Variants in SYNPR observed in about 807,000 individuals in gnomAD.
SYNPR encodes synaptoporin.
SYNPR carries 23 observed loss-of-function variants against 32.9 expected under a neutral mutation model. The observed-to-expected ratio is 0.70, with a 90% CI of 0.50 to 0.99. The LOEUF (loss-of-function observed/expected upper bound fraction) is 0.99, where lower values mean the gene tolerates loss of function less well. Among genes scored for constraint, SYNPR ranks in the 50% least tolerant of loss-of-function variants. The probability of loss-of-function intolerance (pLI) is 0.00; values close to 1 mark genes in which losing one functional copy is unlikely to be tolerated. For synonymous variants in SYNPR, 146 were observed against 135.9 expected (o/e 1.07, Z -0.52); for missense variants, 318 against 349.3 (o/e 0.91, Z 0.71).
chr3:63,412,657 CTT>C (rs1255647951), intron 2 of SYNPR, among the ~76,000 whole-genome samples: 8 of 152,030 alleles, frequency 5.3e-5, no homozygotes, highest in African/African-American at 1.9e-4. Context: ...AATGCAAAGA[CTT>C]AGTGTCATGG....
intron 2 of SYNPR, chr3:63,452,163 C>T (rs1354034858): frequency 1.4e-6 from 1 of 699,988 alleles, no homozygotes; most frequent in Non-Finnish European, 2.6e-6. Flanking sequence ...TTCGTATGTT[C>T]ATTCATTTGT....
At chr3:63,569,849 T>C (rs1702856102) in intron 4 of SYNPR, among the ~76,000 whole-genome samples, 1 of 152,198 alleles carries the variant, frequency 6.6e-6, no homozygotes, top group Non-Finnish European at 1.5e-5. Context: ...ATAAGTTGCA[T>C]CCTGGGGTAT....
At chr3:63,408,162 G>GA (rs759267861) in intron 2 of SYNPR, among the ~76,000 whole-genome samples, 14 of 94,422 alleles carry the variant, frequency 1.5e-4, no homozygotes, top group Middle Eastern at 4.5e-3. Flanking sequence ...AAGAAAGAAA[G>GA]AAAGAAAGAA....
At chr3:63,514,152 G>T (rs545278155) in intron 3 of SYNPR, among the ~76,000 whole-genome samples, 1 of 152,264 alleles carries the variant, frequency 6.6e-6, no homozygotes, top group South Asian at 2.1e-4. Flanking sequence ...TATAATCAAA[G>T]CACACAAATG....
At chr3:63,576,086 A>G (rs1702974787) in intron 4 of SYNPR, among the ~76,000 whole-genome samples, 1 of 152,178 alleles carries the variant, frequency 6.6e-6, no homozygotes. Flanking sequence ...AGCTACAAAG[A>G]AATCCCCAAA....
Position 63,360,497 on chromosome 3 carries a change from A to G in SYNPR, c.84+81755A>G, listed in dbSNP as rs370402719. 2.0e-5 allele frequency among the ~76,000 whole-genome samples: 3 copies of G among 152,314 alleles called. No individual in the cohort carries two copies. In the East Asian group the frequency reaches 5.8e-4, roughly 29 times the overall value. ...CATGTCTAGCCTTCTTGCTCCCTCT[A>G]ATGACTTTCTATTACGTTAAAAGTA... On this transcript the variant is annotated intron_variant, in intron 2 of 5. Coordinates refer to ENST00000478300, the MANE Select transcript of SYNPR (RefSeq NM_001130003.2).
chr3:63,417,564 C>G (rs895164913), intron 2 of SYNPR, among the ~76,000 whole-genome samples: 1 of 152,234 alleles, frequency 6.6e-6, no homozygotes, highest in Admixed American at 6.5e-5. Context: ...CTGCACTTCC[C>G]TAGCAGACTT....
At chr3:63,462,981 C>T (rs1410738493) in intron 2 of SYNPR, among the ~76,000 whole-genome samples, 2 of 152,100 alleles carry the variant, frequency 1.3e-5, no homozygotes, top group Non-Finnish European at 2.9e-5. Context: ...TGTCAGGCTC[C>T]TTTGCTCTGC....
At position 63,352,466 on chromosome 3, in the gene SYNPR, A is replaced by G. The variant is rs189233883; in HGVS notation, c.84+73724A>G. On this transcript the variant is annotated intron_variant, in intron 2 of 5. Coordinates refer to ENST00000478300, the MANE Select transcript of SYNPR (RefSeq NM_001130003.2). ...TCACCTCTTGGGAAAACACTTATTT[A>G]TCTGTTAAGGTTCTATGTCTACAAG... Among the ~76,000 whole-genome samples the G allele has an allele frequency of 6.9e-4, 105 of 152,298 alleles. 1 individual carries two copies. Among genetic ancestry groups the G allele is most frequent in the Admixed American group, 3.2e-3 (49 of 15,294 alleles).
intron 2 of SYNPR, among the ~76,000 whole-genome samples, chr3:63,368,798 T>G (rs1404810220): frequency 6.6e-6 from 1 of 152,190 alleles, no homozygotes; most frequent in Non-Finnish European, 1.5e-5. Flanking sequence ...GAAAGAGGTA[T>G]TTTATTTATA....
chr3:63,509,227 G>A (rs1047986903), intron 3 of SYNPR, among the ~76,000 whole-genome samples: 3 of 148,650 alleles, frequency 2.0e-5, no homozygotes, highest in Non-Finnish European at 4.5e-5. Flanking sequence ...ATATGTATGG[G>A]TATATCTATA....
At chr3:63,610,632 A>T in intron 5 of SYNPR, 1 of 565,400 alleles carries the variant, frequency 1.8e-6, no homozygotes, top group Non-Finnish European at 3.2e-6. Context: ...ACACTTGTAA[A>T]TGAACACTTT....
At position 63,570,022 on chromosome 3, in the gene SYNPR, C is replaced by T. The variant is rs529452303; in HGVS notation, c.408+13281C>T. Reference sequence around the variant, plus strand: ...CCCAAAGTTAAGCCATCTTCCGCAGCTTTCATTGGCTTTGTTTGTTTGTTT... The same window carrying T: ...CCCAAAGTTAAGCCATCTTCCGCAGTTTTCATTGGCTTTGTTTGTTTGTTT... On this transcript the variant is annotated intron_variant, in intron 4 of 5. Coordinates refer to ENST00000478300, the MANE Select transcript of SYNPR (RefSeq NM_001130003.2). 9.8e-5 allele frequency among the ~76,000 whole-genome samples: 15 copies of T among 152,286 alleles called. No individual in the cohort carries two copies. The South Asian group carries it at 3.1e-3, about 32-fold the overall frequency.
At chr3:63,224,616 T>C (rs1422264887), upstream of SYNPR, among the ~76,000 whole-genome samples, 1 of 152,164 alleles carries the variant, frequency 6.6e-6, no homozygotes, top group Non-Finnish European at 1.5e-5. Flanking sequence ...TTGTCCAGAG[T>C]GGCCATAGCA....
At chr3:63,421,018 C>T (rs902356564) in intron 2 of SYNPR, among the ~76,000 whole-genome samples, 4 of 152,128 alleles carry the variant, frequency 2.6e-5, no homozygotes, top group African/African-American at 9.7e-5. Flanking sequence ...CTAGCTGTAA[C>T]TACAGGCACA....
chr3:63,485,421 G>A (rs1701128425), intron 3 of SYNPR, among the ~76,000 whole-genome samples: 1 of 152,082 alleles, frequency 6.6e-6, no homozygotes, highest in South Asian at 2.1e-4. Flanking sequence ...CCATTCAGCA[G>A]CATTGAGTAC....
rs557966802 is a variant in SYNPR, at chr3:63,399,921, A to G, written c.85-80911A>G. The stretch of plus-strand genomic sequence containing the variant: ...TAAAAGGCTTCCCCATTTTTTGCTC[A>G]TTATTTTGTGCGTATCCTATTTCCA... On this transcript the variant is annotated intron_variant, in intron 2 of 5. Transcript: ENST00000478300. 1.2e-4 allele frequency among the ~76,000 whole-genome samples: 18 copies of G among 152,168 alleles called. No individual in the cohort carries two copies. In the South Asian group the frequency reaches 3.5e-3, roughly 30 times the overall value.
chr3:63,470,184 T>C (rs1001674002), intron 2 of SYNPR, among the ~76,000 whole-genome samples: 4 of 152,214 alleles, frequency 2.6e-5, no homozygotes, highest in African/African-American at 9.6e-5. Flanking sequence ...AAAAAGTATA[T>C]ACTGTATGTA....
chr3:63,595,745 ATATATATATATATATATATATATAATTT>A (rs1559546176), intron 4 of SYNPR, among the ~76,000 whole-genome samples: 1 of 41,928 alleles, frequency 2.4e-5, no homozygotes, highest in Non-Finnish European at 3.6e-5. Context: ...ATATATATAT[ATATATATATATATATATATATATAATTT>A]TATATATATA....
Sources: allele counts gnomAD v4.1 joint callset (sites outside exome capture counted in the v4.1 genomes callset), GRCh38; gene constraint gnomAD v4.1.1; transcripts MANE v1.5; gene names NCBI Gene and HGNC (gene_info 2026-07-23, HGNC 2026-07-21).